The following SMARCB1 variants were observed in gnomAD, a reference collection of about 807,000 sequenced individuals.
The protein encoded by SMARCB1 is SWI/SNF related BAF chromatin remodeling complex subunit B1, also known as SWI/SNF-related matrix-associated actin-dependent regulator of chromatin subfamily B member 1.
Under a neutral mutation model 49.0 loss-of-function variants are expected in SMARCB1, and 5 were observed. The observed-to-expected ratio is 0.10, with a 90% confidence interval of 0.05 to 0.21. SMARCB1 has a LOEUF of 0.21. Ranked by LOEUF, SMARCB1 falls within the 10% of genes least tolerant of loss-of-function variation. SMARCB1 has a pLI of 1.00. For synonymous variants in SMARCB1, 201 were observed against 200.1 expected (o/e 1.00, Z -0.04); for missense variants, 226 against 509.2 (o/e 0.44, Z 5.35).
intron 6 of SMARCB1, chr22:23,817,586 T>C (rs1487543904): frequency 6.5e-6 from 1 of 153,198 alleles, no homozygotes; most frequent in African/African-American, 2.4e-5. Flanking sequence ...TAGGAAAACA[T>C]TGATGTATAA....
chr22:23,797,704 C>T (rs887793560), intron 3 of SMARCB1, among the ~76,000 whole-genome samples: 1 of 146,610 alleles, frequency 6.8e-6, no homozygotes, highest in Non-Finnish European at 1.5e-5. Flanking sequence ...TGCAACCTCC[C>T]CTTCCCGGGT....
chr22:23,837,736 A>G lies in SMARCB1; in HGVS notation c.*3556A>G, dbSNP rs2031203907. The G allele has an allele frequency of 6.2e-7, 1 of 1,613,902 alleles. No individual in the cohort carries two copies. The highest frequency in any genetic ancestry group is 1.3e-5 in the African/African-American group (1 of 74,928). On this transcript the variant is annotated 3_prime_UTR_variant, in exon 9 of 9. Transcript: ENST00000644036. ...CGCCCAAGGCAGGAACGGTGCCTGG[A>G]AAGTGAGCAGGCCGAAGAAGTTGAC...
intron 7 of SMARCB1, chr22:23,825,965 T>TA (rs1413982205): frequency 1.3e-5 from 2 of 157,012 alleles, no homozygotes; most frequent in Non-Finnish European, 2.8e-5. Context: ...CCCTGGAAGA[T>TA]AGAGACAGGT....
At chr22:23,833,322 A>G (rs1347903814) in intron 7 of SMARCB1, among the ~76,000 whole-genome samples, 1 of 152,180 alleles carries the variant, frequency 6.6e-6, no homozygotes, top group African/African-American at 2.4e-5. Context: ...AGACAGAGAG[A>G]CGCTGGGCAC....
intron 5 of SMARCB1, among the ~76,000 whole-genome samples, chr22:23,807,798 CTTTTTTTTTT>C (rs71184913): frequency 7.5e-6 from 1 of 132,690 alleles, no homozygotes; most frequent in Non-Finnish European, 1.6e-5. Flanking sequence ...CTTTTTTTTT[CTTTTTTTTTT>C]TTTTGAGATG....
Position 23,787,012 on chromosome 22 carries a change from C to T in SMARCB1, c.-158C>T, listed in dbSNP as rs1165046467. 6 of 504,860 alleles carry T rather than the reference C, an allele frequency of 1.2e-5. No individual in the cohort carries two copies. Among genetic ancestry groups the T allele is most frequent in the East Asian group, 3.5e-5 (1 of 28,238 alleles). The allele number at this position is 504,860 out of a possible 1,614,324, so 31.3% of individuals were successfully genotyped here. On this transcript the variant is annotated 5_prime_UTR_variant, in exon 1 of 9. Transcript: ENST00000644036. ...GCGGCCTGGTCGTCGTCTGCGGCGGCGGCGGCGGCTGAGGAGCCCGGCTGA... is the reference window on the plus strand; with the variant it reads ...GCGGCCTGGTCGTCGTCTGCGGCGGTGGCGGCGGCTGAGGAGCCCGGCTGA...
At chr22:23,819,970 C>T (rs919382395) in intron 6 of SMARCB1, among the ~76,000 whole-genome samples, 1 of 152,084 alleles carries the variant, frequency 6.6e-6, no homozygotes, top group African/African-American at 2.4e-5. Flanking sequence ...GCTGGGACTA[C>T]AGGCGCATGC....
chr22:23,834,787 C>T lies in SMARCB1; in HGVS notation c.*607C>T. 3 of 1,582,684 alleles carry T rather than the reference C, an allele frequency of 1.9e-6. No homozygotes were observed. The South Asian group carries it at 3.5e-5, about 18-fold the overall frequency. ...AGGCTCAGGGCAAGAGGCTCTCTGC[C>T]TTTCAGGAACAGCCCTAACCCTGCT... is the stretch of plus-strand genomic sequence containing the variant. On this transcript the variant is annotated 3_prime_UTR_variant, in exon 9 of 9. Transcript: ENST00000644036.
chr22:23,820,422 A>G (rs2030019864), intron 6 of SMARCB1, among the ~76,000 whole-genome samples: 1 of 152,084 alleles, frequency 6.6e-6, no homozygotes, highest in Admixed American at 6.5e-5. Flanking sequence ...AAAAATACAA[A>G]AATTAGCCGG....
intron 3 of SMARCB1, among the ~76,000 whole-genome samples, chr22:23,795,737 A>G (rs5996615): frequency 1 from 151,012 of 151,044 alleles, 75,490 homozygotes; most frequent in Middle Eastern, 1. Flanking sequence ...AACTGGCAAC[A>G]TAAGGAATTG....
At chr22:23,808,184 A>C (rs1399382138) in intron 5 of SMARCB1, among the ~76,000 whole-genome samples, 1 of 90,658 alleles carries the variant, frequency 1.1e-5, no homozygotes, top group South Asian at 3.6e-4. Flanking sequence ...GCAGTGGCGC[A>C]ATTTCGGCTC....
Position 23,799,281 on chromosome 22 carries a change from A to AT in SMARCB1, c.363-1648dup, listed in dbSNP as rs754464338. The stretch of plus-strand genomic sequence containing the variant: ...GCCTTAGTTTAAAACAGCTTTTGGT[A>AT]TTTTTTTTTTTTTTTCGAGATAGGA... On this transcript the variant is annotated intron_variant, in intron 3 of 8. Coordinates refer to ENST00000644036, the MANE Select transcript of SMARCB1 (RefSeq NM_003073.5). Among the ~76,000 whole-genome samples, 314 of 136,380 alleles carry AT rather than the reference A, an allele frequency of 2.3e-3. 1 individual carries two copies. Among genetic ancestry groups the AT allele is most frequent in the East Asian group, 0.016 (76 of 4,774 alleles). 89.5% of individuals were successfully genotyped at this position (136,380 alleles called of 152,430 possible).
intron 5 of SMARCB1, among the ~76,000 whole-genome samples, chr22:23,808,635 C>A (rs1199277694): frequency 6.6e-6 from 1 of 151,532 alleles, no homozygotes; most frequent in East Asian, 1.9e-4. Flanking sequence ...AAGAAAAGAA[C>A]TGTTAATCTA....
intron 3 of SMARCB1, among the ~76,000 whole-genome samples, chr22:23,795,063 A>G (rs1001355992): frequency 6.6e-6 from 1 of 152,164 alleles, no homozygotes; most frequent in East Asian, 1.9e-4. Flanking sequence ...AAGATGGTCC[A>G]TACCTTGAAG....
chr22:23,803,159 C>T (rs191818791), intron 4 of SMARCB1, 136 bp from the exon 5 acceptor site: 10 of 1,164,724 alleles, frequency 8.6e-6, no homozygotes, highest in East Asian at 2.3e-5. Flanking sequence ...CGTCTGCTGC[C>T]TCAGCTGTTA....
intron 3 of SMARCB1, among the ~76,000 whole-genome samples, chr22:23,797,207 C>T (rs1200881050): frequency 6.7e-6 from 1 of 149,800 alleles, no homozygotes; most frequent in Non-Finnish European, 1.5e-5. Context: ...ACCGTGTTAG[C>T]CAGGATGGTC....
intron 4 of SMARCB1, chr22:23,801,352 C>A: frequency 1.4e-6 from 1 of 690,988 alleles, no homozygotes; most frequent in Non-Finnish European, 2.6e-6. Context: ...TCCTTGGGCC[C>A]TTTCTCTGCC....
At chr22:23,790,200 G>C (rs1458789155) in intron 1 of SMARCB1, among the ~76,000 whole-genome samples, 1 of 152,086 alleles carries the variant, frequency 6.6e-6, no homozygotes, top group Non-Finnish European at 1.5e-5. Flanking sequence ...TAGTCATAGG[G>C]GGGAGTATTG....
At position 23,800,637 on chromosome 22, in the gene SMARCB1, T is replaced by A. The variant is rs532247962; in HGVS notation, c.363-307T>A. On this transcript the variant is annotated intron_variant, in intron 3 of 8. Transcript: ENST00000644036. ...CTATTATCCACTCCTCTGGGAAGTC[T>A]CCCCCTTGTACCACTTCCCCGCATC... 2.6e-5 allele frequency among the ~76,000 whole-genome samples: 4 copies of A among 152,180 alleles called. No homozygotes were observed. In the South Asian group the frequency reaches 8.3e-4, roughly 32 times the overall value.
Sources: allele counts gnomAD v4.1 joint callset (sites outside exome capture counted in the v4.1 genomes callset), GRCh38; gene constraint gnomAD v4.1.1; transcripts MANE v1.5; gene names NCBI Gene and HGNC (gene_info 2026-07-23, HGNC 2026-07-21).